Variants in KIRREL3 observed in about 807,000 individuals in gnomAD.
The protein encoded by KIRREL3 is kirre like nephrin family adhesion molecule 3.
A neutral mutation model predicts 89.7 loss-of-function variants in KIRREL3; 36 were observed. The observed-to-expected ratio is 0.40, with a 90% CI of 0.31 to 0.53. KIRREL3 has a LOEUF of 0.53. Ranked by LOEUF, KIRREL3 falls within the 20% of genes least tolerant of loss-of-function variation. KIRREL3 has a pLI of 0.49. For missense variants in KIRREL3, 864 were observed against 1,056.6 expected (o/e 0.82, Z 2.53); for synonymous variants, 445 against 441.4 (o/e 1.01, Z -0.10).
Position 126,742,100 on chromosome 11 carries a change from A to G in KIRREL3, c.56-179188T>C, listed in dbSNP as rs2134221870. ...CACCAAGCTTTAAATTGAACTTCCC[A>G]TTTCCCAGTTTCAGCTTCCAGAATG... is the stretch of plus-strand genomic sequence containing the variant. On this transcript the variant is annotated intron_variant, in intron 1 of 16. Transcript: ENST00000525144. The surrounding 1 kb of genome is among the most constrained non-coding windows in gnomAD (Gnocchi z 5.3). 6.6e-6 allele frequency among the ~76,000 whole-genome samples: 1 copy of G among 152,372 alleles called. No individual in the cohort carries two copies. The highest frequency in any genetic ancestry group is 1.9e-4 in the East Asian group (1 of 5,190).
At position 126,440,443 on chromosome 11, in the gene KIRREL3, A is replaced by G. The variant is rs1591535350; in HGVS notation, c.1353+6T>C. ...GGCCCCCGCCCGCCGTCCCTGGAGC[A>G]CTCACGATGCGGTCCGGCGGCGGCG... On this transcript the variant is annotated splice_donor_region_variant and intron_variant, in intron 11 of 16. Transcript: ENST00000525144. 1.9e-6 allele frequency: 3 copies of G among 1,565,278 alleles called. No homozygotes were observed. The highest frequency in any genetic ancestry group is 2.6e-6 in the Non-Finnish European group (3 of 1,155,876).
chr11:126,552,258 G>T (rs962592100), intron 2 of KIRREL3, among the ~76,000 whole-genome samples: 2 of 151,828 alleles, frequency 1.3e-5, no homozygotes, highest in Non-Finnish European at 2.9e-5. Context: ...GGCAGCACTA[G>T]TCCAGCCAGT....
In KIRREL3 at chr11:126,774,032, G is replaced by A. The variant is rs79625551; in HGVS notation, c.56-211120C>T. 5.3e-5 allele frequency among the ~76,000 whole-genome samples: 8 copies of A among 152,268 alleles called. No individual in the cohort carries two copies. The East Asian group carries it at 1.5e-3, about 29-fold the overall frequency. ...AAAGTGATGGGGTCCCTGGGGTAAAGTGAGTGAACGCCAAGGGCTGAAGGA... is the reference window on the plus strand; with the variant it reads ...AAAGTGATGGGGTCCCTGGGGTAAAATGAGTGAACGCCAAGGGCTGAAGGA... On this transcript the variant is annotated intron_variant, in intron 1 of 16. Transcript: ENST00000525144.
intron 1 of KIRREL3, among the ~76,000 whole-genome samples, chr11:126,667,100 C>T (rs1035114019): frequency 1.3e-5 from 2 of 152,132 alleles, no homozygotes; most frequent in African/African-American, 4.8e-5. Context: ...GAAAAAAGCT[C>T]CAGACTACTC....
At chr11:126,433,962 C>T (rs749065608) in intron 13 of KIRREL3, among the ~76,000 whole-genome samples, 17 of 152,258 alleles carry the variant, frequency 1.1e-4, no homozygotes, top group Non-Finnish European at 2.1e-4. Flanking sequence ...CACGTTTCCA[C>T]ACGCTGCTGA....
At chr11:126,856,986 A>G (rs1273242835) in intron 1 of KIRREL3, among the ~76,000 whole-genome samples, 2 of 152,186 alleles carry the variant, frequency 1.3e-5, no homozygotes, top group East Asian at 3.8e-4. Flanking sequence ...ATGAGCATCC[A>G]GTTTAACTGA....
rs1951292723 is a variant in KIRREL3, at chr11:126,808,993, A to T, written c.55+191462T>A. On this transcript the variant is annotated intron_variant, in intron 1 of 16. Coordinates refer to ENST00000525144, the MANE Select transcript of KIRREL3 (RefSeq NM_032531.4). The surrounding 1 kb of genome is among the most constrained non-coding windows in gnomAD (Gnocchi z 4.1). ...TTCTTTCCCCCAAAAAACAAATGCA[A>T]CTATTCTGTTTTCTTTGCCTTAGGA... Among the ~76,000 whole-genome samples, 1 of 152,222 alleles carries T rather than the reference A, an allele frequency of 6.6e-6. No homozygotes were observed. The highest frequency in any genetic ancestry group is 1.5e-5 in the Non-Finnish European group (1 of 68,040).
intron 9 of KIRREL3, among the ~76,000 whole-genome samples, chr11:126,445,832 T>A (rs4294574): frequency 6.6e-6 from 1 of 151,908 alleles, no homozygotes; most frequent in African/African-American, 2.4e-5. Context: ...TCTTATGCAC[T>A]GAAGAATATA....
chr11:126,891,245 C>G lies in KIRREL3; in HGVS notation c.55+109210G>C, dbSNP rs1945908014. Among the ~76,000 whole-genome samples, 1 of 152,212 alleles carries G rather than the reference C, an allele frequency of 6.6e-6. No homozygotes were observed. Among genetic ancestry groups the G allele is most frequent in the Admixed American group, 6.5e-5 (1 of 15,290 alleles). ...AGGAAATAGCATGGCTCTCTATCTT[C>G]TCATGCCTTAGAACTTTATTCCTTA... On this transcript the variant is annotated intron_variant, in intron 1 of 16. Transcript: ENST00000525144. The surrounding 1 kb of genome is among the most constrained non-coding windows in gnomAD (Gnocchi z 5.1).
intron 1 of KIRREL3, among the ~76,000 whole-genome samples, chr11:126,625,503 A>G (rs1441057221): frequency 1.3e-5 from 2 of 152,100 alleles, no homozygotes; most frequent in East Asian, 3.9e-4. Context: ...TGCTGCTTAC[A>G]TTATCTTGAA....
chr11:126,513,420 G>A lies in KIRREL3; in HGVS notation c.433+7895C>T, dbSNP rs1160906201. Among the ~76,000 whole-genome samples, 1 of 152,138 alleles carries A rather than the reference G, an allele frequency of 6.6e-6. No homozygotes were observed. Among genetic ancestry groups the A allele is most frequent in the African/African-American group, 2.4e-5 (1 of 41,440 alleles). ...GTGGGGCTGTGCATTCCTTGCATCA[G>A]GTCTTCTCCTTCTTGGAGAGGCTCC... is the stretch of plus-strand genomic sequence containing the variant. On this transcript the variant is annotated intron_variant, in intron 4 of 16. Transcript: ENST00000525144. The surrounding 1 kb of genome is among the most constrained non-coding windows in gnomAD (Gnocchi z 5.9).
At position 126,431,563 on chromosome 11, in the gene KIRREL3, G is replaced by C; in HGVS notation, c.1589-37C>G. ...AAGCGGGCACAGCTGATGACGGATG[G>C]GGAATGGCCTACTATCCCCCCATGA... On this transcript the variant is annotated intron_variant, in intron 13 of 16. Transcript: ENST00000525144. The surrounding 1 kb of genome is among the most constrained non-coding windows in gnomAD (Gnocchi z 7.1). 6.3e-7 allele frequency: 1 copy of C among 1,584,000 alleles called. No homozygotes were observed. Among genetic ancestry groups the C allele is most frequent in the Non-Finnish European group, 8.6e-7 (1 of 1,157,048 alleles).
At chr11:126,826,114 C>T (rs953717675) in intron 1 of KIRREL3, among the ~76,000 whole-genome samples, 1 of 152,168 alleles carries the variant, frequency 6.6e-6, no homozygotes, top group Non-Finnish European at 1.5e-5. Context: ...CCCCATTACG[C>T]TTGCCCCCAG....
rs2135132353 is a variant in KIRREL3, at chr11:126,946,722, T to C, written c.55+53733A>G. Among the ~76,000 whole-genome samples, 1 of 152,286 alleles carries C rather than the reference T, an allele frequency of 6.6e-6. No homozygotes were observed. The highest frequency in any genetic ancestry group is 1.5e-5 in the Non-Finnish European group (1 of 68,036). The stretch of plus-strand genomic sequence containing the variant: ...ATCCTAATAACAGGTGTAATAATAA[T>C]CACTACTCTTATTAATTTTGTACTT... On this transcript the variant is annotated intron_variant, in intron 1 of 16. Coordinates refer to ENST00000525144, the MANE Select transcript of KIRREL3 (RefSeq NM_032531.4). The surrounding 1 kb of genome is among the most constrained non-coding windows in gnomAD (Gnocchi z 4.1).
chr11:126,711,043 T>C (rs1947735399), intron 1 of KIRREL3, among the ~76,000 whole-genome samples: 1 of 151,992 alleles, frequency 6.6e-6, no homozygotes, highest in Admixed American at 6.6e-5. Context: ...CCAAGAAAAA[T>C]CTGTGGTCTA....
chr11:126,527,370 C>A lies in KIRREL3; in HGVS notation c.134-683G>T, dbSNP rs1021246594. ...AATCATTATGGACACCATGCCTCCT[C>A]AAAACGAGATGGCCAGAATCATCGA... On this transcript the variant is annotated intron_variant, in intron 2 of 16. Transcript: ENST00000525144. The surrounding 1 kb of genome is among the most constrained non-coding windows in gnomAD (Gnocchi z 4.2). 6.6e-6 allele frequency among the ~76,000 whole-genome samples: 1 copy of A among 152,172 alleles called. No individual in the cohort carries two copies. Among genetic ancestry groups the A allele is most frequent in the Non-Finnish European group, 1.5e-5 (1 of 68,034 alleles).
rs776138336 is a variant in KIRREL3 at position 126,797,399 on chromosome 11, G to T, written c.55+203056C>A. On this transcript the variant is annotated intron_variant, in intron 1 of 16. Coordinates refer to ENST00000525144, the MANE Select transcript of KIRREL3 (RefSeq NM_032531.4). The surrounding 1 kb of genome is among the most constrained non-coding windows in gnomAD (Gnocchi z 4.9). ...GGATGCTGATAGTTTTGGTGGCGCG[G>T]CTGTTATTGGTTGGAAGAATCTGCT... Among the ~76,000 whole-genome samples the T allele has an allele frequency of 1.3e-5, 2 of 152,132 alleles. No individual in the cohort carries two copies. The highest frequency in any genetic ancestry group is 2.9e-5 in the Non-Finnish European group (2 of 68,034).
At position 126,869,780 on chromosome 11, in the gene KIRREL3, G is replaced by A. The variant is rs7121539; in HGVS notation, c.55+130675C>T. ...ACTGAGTCTTTACTGTAAGACCCTC[G>A]CACAGAATAAGTGTTCGCTGAATCA... is the stretch of plus-strand genomic sequence containing the variant. On this transcript the variant is annotated intron_variant, in intron 1 of 16. Coordinates refer to ENST00000525144, the MANE Select transcript of KIRREL3 (RefSeq NM_032531.4). Among the ~76,000 whole-genome samples the A allele has an allele frequency of 4.9e-3, 749 of 152,202 alleles. 11 individuals are homozygous for A. The highest frequency in any genetic ancestry group is 0.016 in the African/African-American group (649 of 41,510).
At chr11:126,770,563 G>A (rs1949988998) in intron 1 of KIRREL3, among the ~76,000 whole-genome samples, 1 of 152,180 alleles carries the variant, frequency 6.6e-6, no homozygotes, top group South Asian at 2.1e-4. Context: ...AGCACATCGT[G>A]CCTCTTGTTG....
Sources: gnomAD v4.1 joint callset for allele counts (sites outside exome capture counted in the v4.1 genomes callset) on GRCh38, gnomAD v4.1.1 for gene constraint, Gnocchi (gnomAD v3.1) non-coding constraint, MANE v1.5 for transcripts, NCBI Gene and HGNC (gene_info 2026-07-23, HGNC 2026-07-21) for gene names.